LDB2: variants seen among roughly 807,000 people sequenced by gnomAD.
LDB2 encodes LIM domain-binding protein 2.
LDB2 carries 12 observed loss-of-function variants against 44.3 expected under a neutral mutation model. The ratio of observed to expected loss-of-function variants is 0.27; its 90% confidence interval spans 0.17 to 0.44. LDB2 has a LOEUF of 0.44. LDB2 is among the 20% of genes least tolerant of loss of function. LDB2 has a pLI of 1.00. For synonymous variants in LDB2, 164 were observed against 174.8 expected (o/e 0.94, Z 0.49); for missense variants, 344 against 473.5 (o/e 0.73, Z 2.54).
intron 1 of LDB2, among the ~76,000 whole-genome samples, chr4:16,847,814 T>C (rs532364406): frequency 3.5e-4 from 54 of 152,314 alleles, no homozygotes; most frequent in Middle Eastern, 3.4e-3. Flanking sequence ...GACGGGGTTT[T>C]ACCATGTTAA....
At chr4:16,570,761 G>A (rs1746234166) in intron 5 of LDB2, among the ~76,000 whole-genome samples, 1 of 152,000 alleles carries the variant, frequency 6.6e-6, no homozygotes, top group African/African-American at 2.4e-5. Context: ...AGTATTCCAG[G>A]CAGTGGGATG....
chr4:16,558,184 C>T (rs1263812801), intron 5 of LDB2, among the ~76,000 whole-genome samples: 2 of 152,188 alleles, frequency 1.3e-5, no homozygotes, highest in African/African-American at 4.8e-5. Flanking sequence ...CAGCTCCTCA[C>T]CAGCAATGGA....
At chr4:16,655,109 T>C (rs973447529) in intron 2 of LDB2, among the ~76,000 whole-genome samples, 6 of 152,076 alleles carry the variant, frequency 3.9e-5, no homozygotes, top group Non-Finnish European at 8.8e-5. Flanking sequence ...CATGCAGAAA[T>C]CTGAAAATGC....
At chr4:16,662,043 G>A (rs897540634) in intron 2 of LDB2, among the ~76,000 whole-genome samples, 2 of 152,110 alleles carry the variant, frequency 1.3e-5, no homozygotes, top group Non-Finnish European at 2.9e-5. Context: ...CCTTTCTATA[G>A]GGCACAGGTG....
intron 1 of LDB2, among the ~76,000 whole-genome samples, chr4:16,854,180 T>C (rs1183255326): frequency 6.6e-6 from 1 of 152,102 alleles, no homozygotes; most frequent in Non-Finnish European, 1.5e-5. Context: ...TTGATAAGTA[T>C]GTGAGATTAT....
At chr4:16,769,219 C>T (rs565657514) in intron 1 of LDB2, among the ~76,000 whole-genome samples, 2 of 152,184 alleles carry the variant, frequency 1.3e-5, no homozygotes, top group Non-Finnish European at 2.9e-5. Flanking sequence ...GGTAGCTGCA[C>T]AAGCATGAAA....
At chr4:16,800,272 T>C (rs1409853177) in intron 1 of LDB2, among the ~76,000 whole-genome samples, 6 of 152,200 alleles carry the variant, frequency 3.9e-5, no homozygotes, top group Admixed American at 6.5e-5. Flanking sequence ...AAACTGATAA[T>C]AATGTAAATA....
At chr4:16,743,049 G>C (rs1277987388) in intron 2 of LDB2, among the ~76,000 whole-genome samples, 2 of 152,088 alleles carry the variant, frequency 1.3e-5, no homozygotes, top group African/African-American at 4.8e-5. Flanking sequence ...CAGCACTTTG[G>C]GAGCACAAGG....
At chr4:16,840,019 G>C (rs1224141436) in intron 1 of LDB2, among the ~76,000 whole-genome samples, 1 of 152,124 alleles carries the variant, frequency 6.6e-6, no homozygotes, top group African/African-American at 2.4e-5. Flanking sequence ...TAAATCCTTT[G>C]CATGCTAGTA....
At chr4:16,536,200 T>TA (rs1731801070) in intron 5 of LDB2, among the ~76,000 whole-genome samples, 1 of 152,186 alleles carries the variant, frequency 6.6e-6, no homozygotes, top group Non-Finnish European at 1.5e-5. Flanking sequence ...AGGATGCCCA[T>TA]GTAGCTCATT....
chr4:16,723,079 T>C (rs1758653723), intron 2 of LDB2, among the ~76,000 whole-genome samples: 1 of 152,198 alleles, frequency 6.6e-6, no homozygotes, highest in Non-Finnish European at 1.5e-5. Flanking sequence ...GCATCTGTAC[T>C]GTGTTTAATA....
chr4:16,878,407 C>G (rs114543948), intron 1 of LDB2, among the ~76,000 whole-genome samples: 2 of 152,188 alleles, frequency 1.3e-5, no homozygotes, highest in East Asian at 3.8e-4. Flanking sequence ...ACACCTTCCA[C>G]GGCTAATCCA....
chr4:16,606,156 A>C (rs1479802378), intron 2 of LDB2, among the ~76,000 whole-genome samples: 4 of 152,188 alleles, frequency 2.6e-5, no homozygotes, highest in African/African-American at 9.7e-5. Context: ...AAGTTATATT[A>C]AATGTATCTA....
rs555181359 is a variant in LDB2 at position 16,731,339 on chromosome 4, G to A, written c.235+27819C>T. 3.3e-5 allele frequency among the ~76,000 whole-genome samples: 5 copies of A among 152,286 alleles called. No homozygotes were observed. In the East Asian group the frequency reaches 9.7e-4, roughly 29 times the overall value. Reference sequence around the variant, plus strand: ...CACTTATTGCTATGAACTGAATTGTGTCCTTCAGAATTCGTATGTTGAAGC... The same window carrying A: ...CACTTATTGCTATGAACTGAATTGTATCCTTCAGAATTCGTATGTTGAAGC... On this transcript the variant is annotated intron_variant, in intron 2 of 7. Coordinates refer to ENST00000304523, the MANE Select transcript of LDB2 (RefSeq NM_001290.5).
intron 2 of LDB2, among the ~76,000 whole-genome samples, chr4:16,646,779 G>C (rs58371053): frequency 6.6e-6 from 1 of 152,198 alleles, no homozygotes; most frequent in Admixed American, 6.5e-5. Flanking sequence ...AAAAGGAGCT[G>C]TAACTCCTTC....
Position 16,533,178 on chromosome 4 carries a change from G to A in LDB2, c.616-21074C>T, listed in dbSNP as rs946651894. On this transcript the variant is annotated intron_variant, in intron 5 of 7. Transcript: ENST00000304523. The surrounding 1 kb of genome is among the most constrained non-coding windows in gnomAD (Gnocchi z 4.1). ...AAGAGTCACTGGCCTGAGCCTGAAG[G>A]AAACTAGGAAGGGACTTGGCTTTAG... 2.0e-5 allele frequency among the ~76,000 whole-genome samples: 3 copies of A among 152,120 alleles called. No homozygotes were observed. Among genetic ancestry groups the A allele is most frequent in the African/African-American group, 7.2e-5 (3 of 41,424 alleles).
chr4:16,577,275 GA>G (rs1479961199), intron 5 of LDB2, among the ~76,000 whole-genome samples: 1 of 152,016 alleles, frequency 6.6e-6, no homozygotes, highest in Non-Finnish European at 1.5e-5. Flanking sequence ...AAACTGGAAA[GA>G]AAAAAGTCAA....
At chr4:16,830,630 T>A (rs755831212) in intron 1 of LDB2, among the ~76,000 whole-genome samples, 1 of 152,166 alleles carries the variant, frequency 6.6e-6, no homozygotes. Context: ...AAGGAGTCAT[T>A]AAGAGCAAGC....
At chr4:16,749,785 T>C (rs1765130822) in intron 2 of LDB2, among the ~76,000 whole-genome samples, 1 of 152,006 alleles carries the variant, frequency 6.6e-6, no homozygotes, top group Admixed American at 6.5e-5. Flanking sequence ...ATTTGTGCTA[T>C]TTACCAGCAT....
Sources: allele counts gnomAD v4.1 joint callset (sites outside exome capture counted in the v4.1 genomes callset), GRCh38; gene constraint gnomAD v4.1.1; non-coding constraint Gnocchi (gnomAD v3.1); transcripts MANE v1.5; gene names NCBI Gene and HGNC (gene_info 2026-07-23, HGNC 2026-07-21).